The following NUMB variants were observed in gnomAD, a reference collection of about 807,000 sequenced individuals.
The protein encoded by NUMB is NUMB endocytic adaptor protein.
In NUMB, 29 loss-of-function variants were observed where a neutral mutation model predicts 59.7. The observed-to-expected ratio is 0.49, with a 90% CI of 0.36 to 0.66. The LOEUF is 0.66. Among genes scored for constraint, NUMB ranks in the 30% least tolerant of loss-of-function variants. NUMB has a pLI of 0.00. For missense variants in NUMB, 723 were observed against 822.0 expected (o/e 0.88, Z 1.47); for synonymous variants, 288 against 288.2 (o/e 1.00, Z 0.01).
chr14:73,415,602 G>T (rs537271407), intron 1 of NUMB, among the ~76,000 whole-genome samples: 4 of 151,424 alleles, frequency 2.6e-5, no homozygotes, highest in Admixed American at 1.3e-4. Flanking sequence ...AAGCAGCTGG[G>T]ATTACAGGCA....
At chr14:73,291,510 T>C (rs1004951480) in intron 8 of NUMB, among the ~76,000 whole-genome samples, 4 of 152,008 alleles carry the variant, frequency 2.6e-5, no homozygotes, top group African/African-American at 7.3e-5. Flanking sequence ...CCCAAGTAGC[T>C]GGGATCACAG....
chr14:73,380,919 C>T (rs1594969078), intron 2 of NUMB, among the ~76,000 whole-genome samples: 1 of 152,108 alleles, frequency 6.6e-6, no homozygotes. Context: ...GACGTGGTTT[C>T]ACCATGTTGA....
At chr14:73,315,933 C>G (rs1486529597) in intron 6 of NUMB, among the ~76,000 whole-genome samples, 2 of 152,126 alleles carry the variant, frequency 1.3e-5, no homozygotes, top group South Asian at 4.2e-4. Context: ...GTCACCCAGG[C>G]TGGAGTGCAG....
intron 2 of NUMB, among the ~76,000 whole-genome samples, chr14:73,372,343 T>TTATATATATATATATAACCTTTTA (rs1218180279): frequency 4.0e-5 from 4 of 100,780 alleles, no homozygotes; most frequent in Admixed American, 1.1e-4. Context: ...ATATAACCTT[T>TTATATATATATATATAACCTTTTA]TATATATATA....
intron 8 of NUMB, among the ~76,000 whole-genome samples, chr14:73,289,056 T>C (rs942776638): frequency 2.0e-5 from 3 of 151,958 alleles, no homozygotes; most frequent in Non-Finnish European, 2.9e-5. Flanking sequence ...AAACTAACAA[T>C]GAGACAAAAG....
At chr14:73,358,108 A>G (rs906234012) in intron 3 of NUMB, among the ~76,000 whole-genome samples, 7 of 151,828 alleles carry the variant, frequency 4.6e-5, no homozygotes, top group African/African-American at 1.2e-4. Flanking sequence ...CCTCTCCCCA[A>G]CTATTCCAGT....
At chr14:73,437,367 T>C (rs996064818) in intron 1 of NUMB, among the ~76,000 whole-genome samples, 3 of 152,162 alleles carry the variant, frequency 2.0e-5, no homozygotes, top group Non-Finnish European at 4.4e-5. Flanking sequence ...TCAGTCCATA[T>C]TCATCTAACT....
intron 2 of NUMB, among the ~76,000 whole-genome samples, chr14:73,367,296 T>TATATATATACACACAC (rs1406816784): frequency 8.3e-6 from 1 of 121,028 alleles, no homozygotes; most frequent in African/African-American, 3.6e-5. Flanking sequence ...TATATATATA[T>TATATATATACACACAC]ACACACACAC....
chr14:73,313,161 T>C (rs1391080120), intron 6 of NUMB, among the ~76,000 whole-genome samples: 3 of 152,050 alleles, frequency 2.0e-5, no homozygotes, highest in African/African-American at 7.2e-5. Context: ...TAATTTTTTT[T>C]GTATTTTCAG....
At chr14:73,348,318 G>A (rs773582550) in intron 4 of NUMB, among the ~76,000 whole-genome samples, 1 of 152,156 alleles carries the variant, frequency 6.6e-6, no homozygotes, top group African/African-American at 2.4e-5. Context: ...CCTACAGAAA[G>A]GATTTCAAAA....
intron 7 of NUMB, 102 bp from the exon 8 acceptor site, chr14:73,292,976 T>A (rs901321507): frequency 7.7e-6 from 9 of 1,164,850 alleles, no homozygotes; most frequent in Admixed American, 5.8e-5. Context: ...ATACATCTGA[T>A]ACAACTAGGC....
chr14:73,292,678 A>T, intron 8 of NUMB, 56 bp downstream of exon 8: 1 of 1,584,564 alleles, frequency 6.3e-7, no homozygotes, highest in Non-Finnish European at 8.6e-7. Flanking sequence ...GCAAACCCAG[A>T]AAGAGCCCAG....
chr14:73,379,067 G>A (rs1594967373), intron 2 of NUMB, among the ~76,000 whole-genome samples: 1 of 152,120 alleles, frequency 6.6e-6, no homozygotes, highest in Non-Finnish European at 1.5e-5. Context: ...CAGATTCAAA[G>A]AGGCGGCTAA....
intron 2 of NUMB, among the ~76,000 whole-genome samples, chr14:73,384,162 T>G (rs931940949): frequency 6.6e-6 from 1 of 151,986 alleles, no homozygotes; most frequent in African/African-American, 2.4e-5. Flanking sequence ...ATTTCTTTTT[T>G]TTTTTTTGAG....
chr14:73,413,484 A>G (rs976564850), intron 1 of NUMB, among the ~76,000 whole-genome samples: 5 of 151,510 alleles, frequency 3.3e-5, no homozygotes, highest in South Asian at 2.1e-4. Context: ...AAGGCGGGGC[A>G]TGGTGGCTCA....
chr14:73,334,608 TA>T (rs1191261983), intron 4 of NUMB, among the ~76,000 whole-genome samples: 1 of 152,186 alleles, frequency 6.6e-6, no homozygotes, highest in Non-Finnish European at 1.5e-5. Context: ...AGTTAACTAG[TA>T]ATGTATAGTT....
At chr14:73,337,099 G>A (rs1175595161) in intron 4 of NUMB, among the ~76,000 whole-genome samples, 1 of 151,536 alleles carries the variant, frequency 6.6e-6, no homozygotes, top group African/African-American at 2.4e-5. Context: ...GGGCGTGGTG[G>A]TGCCTGCCTG....
Position 73,292,770 on chromosome 14 carries a change from G to C in NUMB, c.414C>G (p.Arg138=). The C allele has an allele frequency of 6.2e-7, 1 of 1,614,218 alleles. No individual in the cohort carries two copies. The highest frequency in any genetic ancestry group is 8.5e-7 in the Non-Finnish European group (1 of 1,180,032). ...SYICRDGTTR[R]WICHCFMAVK... is the part of the protein sequence containing the mutation. Reference sequence around the variant, plus strand: ...CAGCCATGAAGCAGTGACAGATCCAGCGACGAGTGGTGCCATCACGGCATA... The same window carrying C: ...CAGCCATGAAGCAGTGACAGATCCACCGACGAGTGGTGCCATCACGGCATA... Residue 138 remains arginine, a synonymous_variant, in exon 8 of 13, where the codon CGC becomes CGG. Coordinates refer to ENST00000555238, the MANE Select transcript of NUMB (RefSeq NM_001005743.2).
rs1194344922 is a variant in NUMB at position 73,299,445 on chromosome 14, C to T, written c.235-2160G>A. The T allele has an allele frequency of 2.6e-5, 4 of 151,910 alleles. No individual in the cohort carries two copies. The Admixed American group carries it at 2.6e-4, about 10-fold the overall frequency. The allele number at this position is 151,910 out of a possible 1,614,324, so 9.4% of individuals were successfully genotyped here. A position where few individuals can be genotyped will look rare whatever the true frequency, so the allele number is the denominator to read the frequency against. On this transcript the variant is annotated intron_variant, in intron 6 of 12. Transcript: ENST00000555238. ...GGAGAAGAAACCCTGCCTGAGTTTC[C>T]AGCCCGTTGGCCTGCTTTACAGGTA... is the stretch of plus-strand genomic sequence containing the variant.
Sources: gnomAD v4.1 joint callset for allele counts (sites outside exome capture counted in the v4.1 genomes callset) on GRCh38, gnomAD v4.1.1 for gene constraint, MANE v1.5 for transcripts, NCBI Gene and HGNC (gene_info 2026-07-23, HGNC 2026-07-21) for gene names.